The following PLAC9 variants were observed in gnomAD, a reference collection of about 807,000 sequenced individuals.
PLAC9 encodes the protein placenta-specific protein 9.
A neutral mutation model predicts 11.5 loss-of-function variants in PLAC9; 12 were observed. The ratio of observed to expected loss-of-function variants is 1.05; its 90% confidence interval spans 0.67 to 1.69. The LOEUF (loss-of-function observed/expected upper bound fraction) is 1.69, where lower values mean the gene tolerates loss of function less well. PLAC9 is among the 40% of genes most tolerant of loss of function. The pLI is 0.00. For missense variants in PLAC9, 132 were observed against 130.5 expected (o/e 1.01, Z -0.06); for synonymous variants, 62 against 58.1 (o/e 1.07, Z -0.31).
chr10:80,132,863 C>G, intron 1 of PLAC9, 37 bp downstream of exon 1: 3 of 1,446,784 alleles, frequency 2.1e-6, no homozygotes, highest in Non-Finnish European at 2.7e-6. Flanking sequence ...GGACCTGGAG[C>G]CGGGGAGACC....
chr10:80,142,469 C>T (rs1245418908), intron 2 of PLAC9, among the ~76,000 whole-genome samples: 2 of 152,192 alleles, frequency 1.3e-5, no homozygotes, highest in African/African-American at 2.4e-5. Context: ...CGATTCCTAA[C>T]TTGTGTGGGG....
upstream of PLAC9, chr10:80,132,571 T>A (rs1388509784): frequency 8.8e-6 from 4 of 453,208 alleles, no homozygotes; most frequent in African/African-American, 6.2e-5. Context: ...GCTCCCGGGG[T>A]CTCTGGGCTC....
chr10:80,143,625 G>T (rs1845066778), intron 2 of PLAC9, among the ~76,000 whole-genome samples: 1 of 146,708 alleles, frequency 6.8e-6, no homozygotes, highest in Non-Finnish European at 1.5e-5. Flanking sequence ...TTGAACTCCT[G>T]ACCTCCGATG....
At chr10:80,141,064 G>A (rs1475902850) in intron 1 of PLAC9, among the ~76,000 whole-genome samples, 10 of 152,160 alleles carry the variant, frequency 6.6e-5, no homozygotes, top group Non-Finnish European at 1.5e-5. Flanking sequence ...CATGGTGCAT[G>A]GTAAGCACTC....
upstream of PLAC9, chr10:80,131,754 A>T (rs1844916258): frequency 1.3e-5 from 2 of 152,270 alleles, no homozygotes; most frequent in South Asian, 4.1e-4. Flanking sequence ...TTAGCGTGGT[A>T]ACTGTTTTGG....
intron 1 of PLAC9, 128 bp downstream of exon 1, chr10:80,132,954 C>A: frequency 1.4e-6 from 1 of 730,276 alleles, no homozygotes; most frequent in Non-Finnish European, 2.0e-6. Context: ...GAGGCAGATG[C>A]AGGGAGGGAG....
chr10:80,141,041 A>C (rs1375017271), intron 1 of PLAC9, among the ~76,000 whole-genome samples: 1 of 152,168 alleles, frequency 6.6e-6, no homozygotes, highest in African/African-American at 2.4e-5. Flanking sequence ...GGAGAGGTTA[A>C]GTTAGCACCC....
Position 80,144,174 on chromosome 10 carries a change from G to A in PLAC9, c.163-49G>A, listed in dbSNP as rs201127593. The stretch of plus-strand genomic sequence containing the variant: ...CTCTTAGGACCTAGCTGATGAAGCG[G>A]AACGTGGAACCACTTCTGTCCTCGA... On this transcript the variant is annotated intron_variant, in intron 2 of 3. Coordinates refer to ENST00000372263, the MANE Select transcript of PLAC9 (RefSeq NM_001012973.3). The A allele has an allele frequency of 2.0e-5, 33 of 1,613,678 alleles. No homozygotes were observed. In the East Asian group the frequency reaches 6.7e-4, roughly 33 times the overall value.
intron 1 of PLAC9, 65 bp downstream of exon 1, chr10:80,132,891 G>T: frequency 7.4e-7 from 1 of 1,354,790 alleles, no homozygotes; most frequent in South Asian, 1.4e-5. Context: ...GGCGAGGAAG[G>T]AATGAGCGAG....
Position 80,144,919 on chromosome 10 carries a change from G to T in PLAC9, c.*9G>T. 6.4e-7 allele frequency: 1 copy of T among 1,573,750 alleles called. No homozygotes were observed. The highest frequency in any genetic ancestry group is 8.6e-7 in the Non-Finnish European group (1 of 1,158,748). Reference sequence around the variant, plus strand: ...TTTCAGATGGCTTCTGAGCCCTGGAGCTGGAGCCCAGCAGTTGGAGGTGGT... The same window carrying T: ...TTTCAGATGGCTTCTGAGCCCTGGATCTGGAGCCCAGCAGTTGGAGGTGGT... On this transcript the variant is annotated 3_prime_UTR_variant, in exon 4 of 4. Transcript: ENST00000372263.
intron 1 of PLAC9, among the ~76,000 whole-genome samples, chr10:80,136,518 C>G (rs747646113): frequency 3.2e-4 from 49 of 152,158 alleles, no homozygotes; most frequent in Non-Finnish European, 6.2e-4. Context: ...GTCACCCTGG[C>G]TGCAGTGCAG....
At chr10:80,135,619 A>C (rs1025803192) in intron 1 of PLAC9, among the ~76,000 whole-genome samples, 3 of 151,776 alleles carry the variant, frequency 2.0e-5, no homozygotes, top group Non-Finnish European at 2.9e-5. Context: ...GATTACAGGC[A>C]TGAGCCACCG....
intron 1 of PLAC9, among the ~76,000 whole-genome samples, chr10:80,136,892 G>A (rs906853733): frequency 3.9e-5 from 6 of 152,150 alleles, no homozygotes; most frequent in Admixed American, 1.3e-4. Flanking sequence ...GGGAGTCAGG[G>A]CCTCAGGCCT....
Position 80,145,191 on chromosome 10 carries a change from G to A in PLAC9, c.*281G>A, listed in dbSNP as rs1589406865. On this transcript the variant is annotated 3_prime_UTR_variant, in exon 4 of 4. Transcript: ENST00000372263. Reference sequence around the variant, plus strand: ...GATGGAGCAGGGGTTGATTCACACAGATGGGGGCCCTTTGAGTGGCCTTGC... The same window carrying A: ...GATGGAGCAGGGGTTGATTCACACAAATGGGGGCCCTTTGAGTGGCCTTGC... The A allele has an allele frequency of 1.7e-6, 1 of 574,824 alleles. No homozygotes were observed. Among genetic ancestry groups the A allele is most frequent in the East Asian group, 3.1e-5 (1 of 32,036 alleles). 35.6% of individuals were successfully genotyped at this position (574,824 alleles called of 1,614,324 possible).
chr10:80,132,682 T>C, upstream of PLAC9: 1 of 1,247,364 alleles, frequency 8.0e-7, no homozygotes, highest in South Asian at 1.6e-5. Context: ...ACTGAGTGCA[T>C]TTCCTCTCGG....
chr10:80,138,843 T>C (rs1845007065), intron 1 of PLAC9, among the ~76,000 whole-genome samples: 1 of 152,136 alleles, frequency 6.6e-6, no homozygotes, highest in Admixed American at 6.5e-5. Context: ...AGAGATCAAG[T>C]TCCATAACTC....
chr10:80,140,560 C>A (rs1224329932), intron 1 of PLAC9, among the ~76,000 whole-genome samples: 2 of 152,190 alleles, frequency 1.3e-5, no homozygotes, highest in African/African-American at 2.4e-5. Flanking sequence ...TGAGTGTCAG[C>A]GTTCTCCAAG....
In PLAC9 at chr10:80,143,389, A is replaced by ATTTTTTTTTTT. The variant is rs560963413; in HGVS notation, c.163-818_163-808dup. Among the ~76,000 whole-genome samples the ATTTTTTTTTTT allele has an allele frequency of 4.4e-5, 4 of 89,954 alleles. 1 individual carries two copies. The highest frequency in any genetic ancestry group is 2.0e-4 in the African/African-American group (4 of 19,938). 59.0% of individuals were successfully genotyped at this position (89,954 alleles called of 152,430 possible). On this transcript the variant is annotated intron_variant, in intron 2 of 3. Transcript: ENST00000372263. ...AAAAAGTTTAATTTTAAATACTTGA[A>ATTTTTTTTTTT]TTTTTTTTTTTTTTTTTTTTTTTTT...
chr10:80,144,913 CCTGGAG>C lies in PLAC9; in HGVS notation c.*11_*16del. The C allele has an allele frequency of 6.3e-7, 1 of 1,575,400 alleles. No homozygotes were observed. Among genetic ancestry groups the C allele is most frequent in the Non-Finnish European group, 8.6e-7 (1 of 1,159,808 alleles). Reference sequence around the variant, plus strand: ...GCTTTCTTTCAGATGGCTTCTGAGCCCTGGAGCTGGAGCCCAGCAGTTGGAGGTGGT... The same window carrying C: ...GCTTTCTTTCAGATGGCTTCTGAGCCCTGGAGCCCAGCAGTTGGAGGTGGT... On this transcript the variant is annotated 3_prime_UTR_variant, in exon 4 of 4. Transcript: ENST00000372263.
Sources: gnomAD v4.1 joint callset for allele counts (sites outside exome capture counted in the v4.1 genomes callset) on GRCh38, gnomAD v4.1.1 for gene constraint, MANE v1.5 for transcripts, NCBI Gene and HGNC (gene_info 2026-07-23, HGNC 2026-07-21) for gene names.